KDR: variants seen among roughly 807,000 people sequenced by gnomAD.
The protein encoded by KDR is vascular endothelial growth factor receptor 2.
KDR carries 43 observed loss-of-function variants against 160.9 expected under a neutral mutation model. The observed-to-expected ratio is 0.27, with a 90% CI of 0.21 to 0.34. The LOEUF (loss-of-function observed/expected upper bound fraction) is 0.34, where lower values mean the gene tolerates loss of function less well. Among genes scored for constraint, KDR ranks in the 10% least tolerant of loss-of-function variants. The pLI, the probability that KDR is intolerant of heterozygous loss-of-function variation, is 1.00. For missense variants in KDR, 1,469 were observed against 1,666.4 expected, an observed-to-expected ratio of 0.88 and a Z score of 2.06; for synonymous variants, 617 against 600.1, an observed-to-expected ratio of 1.03 and a Z score of -0.41.
intron 29 of KDR, among the ~76,000 whole-genome samples, 157 bp downstream of exon 29, chr4:55,081,799 T>A (rs1414290935): frequency 6.6e-6 from 1 of 152,258 alleles, no homozygotes; most frequent in Non-Finnish European, 1.5e-5. Context: ...TTAATTTTAT[T>A]GTGTGGTTAG....
In KDR at chr4:55,098,224, G is replaced by A; in HGVS notation, c.2422C>T (p.Pro808Ser). ...TGTTCATCCAATGGGAGTTCATCTG[G>A]ATCCATGACGATGGACAAGTAGCCT... ...KTGYLSIVMD[P>S]DELPLDEHCE... The change falls in exon 17 of 30, where the codon CCA becomes TCA. Residue 808 changes from proline (P) to serine (S), a missense_variant. Pro to Ser is a moderately conservative substitution (Grantham distance 74). Transcript: ENST00000263923. The A allele has an allele frequency of 1.9e-6, 3 of 1,613,816 alleles. No homozygotes were observed. Among genetic ancestry groups the A allele is most frequent in the Middle Eastern group, 1.7e-4 (1 of 6,058 alleles).
intron 7 of KDR, among the ~76,000 whole-genome samples, chr4:55,111,845 C>T (rs1014658447): frequency 6.6e-6 from 1 of 152,200 alleles, no homozygotes; most frequent in African/African-American, 2.4e-5. Flanking sequence ...AACTTGAGTT[C>T]CAATCTCAGC....
At chr4:55,114,843 T>C (rs1446925442) in intron 5 of KDR, 31 bp downstream of exon 5, 25 of 1,545,224 alleles carry the variant, frequency 1.6e-5, no homozygotes, top group Non-Finnish European at 2.1e-5. Flanking sequence ...GGATATGTTA[T>C]TAATGATATG....
At chr4:55,121,609 C>T (rs904637938) in intron 1 of KDR, among the ~76,000 whole-genome samples, 15 of 152,330 alleles carry the variant, frequency 9.8e-5, no homozygotes, top group Middle Eastern at 3.4e-3. Context: ...CCCACTTAGA[C>T]GGATTTTTAT....
intron 18 of KDR, among the ~76,000 whole-genome samples, chr4:55,097,009 C>T (rs912126651): frequency 6.6e-6 from 1 of 152,142 alleles, no homozygotes; most frequent in Non-Finnish European, 1.5e-5. Flanking sequence ...TGCACAAAAC[C>T]TATTGGCAAA....
In KDR at chr4:55,087,488, G is replaced by A. The variant is rs1033031430; in HGVS notation, c.3662+119C>T. 13 of 879,310 alleles carry A rather than the reference G, an allele frequency of 1.5e-5. No individual in the cohort carries two copies. The African/African-American group carries it at 1.8e-4, about 12-fold the overall frequency. 54.5% of individuals were successfully genotyped at this position (879,310 alleles called of 1,614,324 possible). On this transcript the variant is annotated intron_variant, in intron 27 of 29. Transcript: ENST00000263923. ...CCCATTATGTTAACCTCAGGGCTAAGGTTATGTGGAAGTGGGATGCAACAG... is the reference window on the plus strand; with the variant it reads ...CCCATTATGTTAACCTCAGGGCTAAAGTTATGTGGAAGTGGGATGCAACAG...
At chr4:55,092,903 C>A (rs1490688596) in intron 21 of KDR, among the ~76,000 whole-genome samples, 189 bp from the exon 22 acceptor site, 2 of 152,166 alleles carry the variant, frequency 1.3e-5, no homozygotes, top group Admixed American at 1.3e-4. Flanking sequence ...ATCATACCCC[C>A]TTAGGAACAA....
chr4:55,110,152 C>T (rs112855603), intron 9 of KDR, among the ~76,000 whole-genome samples: 1 of 152,128 alleles, frequency 6.6e-6, no homozygotes, highest in African/African-American at 2.4e-5. Context: ...ATTTAGCTAT[C>T]GAGGGTATCA....
intron 10 of KDR, among the ~76,000 whole-genome samples, chr4:55,107,383 A>AT (rs1720471393): frequency 6.6e-6 from 1 of 152,152 alleles, no homozygotes; most frequent in Non-Finnish European, 1.5e-5. Flanking sequence ...CCTCTGAGAG[A>AT]TGGATCTTCA....
intron 16 of KDR, 67 bp downstream of exon 16, chr4:55,098,630 A>G: frequency 8.4e-7 from 1 of 1,188,776 alleles, no homozygotes; most frequent in Non-Finnish European, 1.3e-6. Flanking sequence ...AACTCAAAGA[A>G]CCCCAGTCAG....
intron 15 of KDR, among the ~76,000 whole-genome samples, chr4:55,101,000 G>A (rs745554587): frequency 1.3e-5 from 2 of 152,018 alleles, no homozygotes; most frequent in Non-Finnish European, 2.9e-5. Flanking sequence ...CATCACTTCT[G>A]CATACACACG....
Position 55,098,181 on chromosome 4 carries a change from T to C in KDR, c.2465A>G (p.Tyr822Cys), listed in dbSNP as rs1720209207. 1.2e-6 allele frequency: 2 copies of C among 1,613,986 alleles called. No homozygotes were observed. Residue 822 changes from tyrosine (Y) to cysteine (C), a missense_variant, in exon 17 of 30, where the codon TAT becomes TGT. By Grantham distance (194) the Tyr-to-Cys change is radical. Coordinates refer to ENST00000263923, the MANE Select transcript of KDR (RefSeq NM_002253.4). Reference protein sequence around the residue: ...PLDEHCERLPYDASKWEFPRD... With the variant: ...PLDEHCERLPCDASKWEFPRD... ...GGGGAATTCCCATTTGCTGGCATCATAAGGCAGTCGTTCACAATGTTCATC... is the reference window on the plus strand; with the variant it reads ...GGGGAATTCCCATTTGCTGGCATCACAAGGCAGTCGTTCACAATGTTCATC...
At chr4:55,101,257 C>G (rs1454576932) in intron 15 of KDR, among the ~76,000 whole-genome samples, 1 of 152,082 alleles carries the variant, frequency 6.6e-6, no homozygotes, top group African/African-American at 2.4e-5. Flanking sequence ...TTCATCCTGC[C>G]TGATTAAGAA....
Position 55,082,537 on chromosome 4 carries a change from T to A in KDR, c.3761A>T (p.Asp1254Val), listed in dbSNP as rs1719761255. 5 of 1,590,596 alleles carry A rather than the reference T, an allele frequency of 3.1e-6. No homozygotes were observed. The highest frequency in any genetic ancestry group is 4.3e-6 in the Non-Finnish European group (5 of 1,158,852). Residue 1254 changes from aspartate to valine, a missense_variant and splice_region_variant, in exon 28 of 30, where the codon GAT (aspartate) becomes GTT (valine). Asp to Val is a radical substitution (Grantham distance 152, BLOSUM62 -3). Transcript: ENST00000263923. ...ACTATTTTTAAAAGACGTACTTACA[T>A]CTGGGATTACTTTTACTTCTGGTTC... ...LEEPEVKVIP[D>V]DNQTDSGMVL... is the part of the protein sequence containing the mutation.
In KDR at chr4:55,095,583, G is replaced by A. The variant is rs2110015959; in HGVS notation, c.2811C>T (p.Pro937=). ...YLRSKRNEFV[P]YKTKGARFRQ... ...GGATTAGGAGATGACATACCTTGTA[G>A]GGGACAAATTCATTTCTCTTGCTCC... Residue 937 remains proline (P), a synonymous_variant, in exon 20 of 30, where the codon CCC becomes CCT. Coordinates refer to ENST00000263923, the MANE Select transcript of KDR (RefSeq NM_002253.4). 3 of 1,608,020 alleles carry A rather than the reference G, an allele frequency of 1.9e-6. No individual in the cohort carries two copies. The highest frequency in any genetic ancestry group is 1.7e-6 in the Non-Finnish European group (2 of 1,174,592).
chr4:55,099,694 TCTC>T (rs1191722399), intron 15 of KDR, among the ~76,000 whole-genome samples: 7 of 152,120 alleles, frequency 4.6e-5, no homozygotes, highest in African/African-American at 1.7e-4. Context: ...TTCCACTTAA[TCTC>T]CTCAACAACT....
chr4:55,088,347 G>GAA, intron 26 of KDR, among the ~76,000 whole-genome samples: 1 of 152,282 alleles, frequency 6.6e-6, no homozygotes, highest in Middle Eastern at 3.4e-3. Context: ...CTGTTCAAAA[G>GAA]AAAAGAAAGA....
chr4:55,101,449 A>G (rs1367964689), intron 15 of KDR, among the ~76,000 whole-genome samples: 1 of 152,232 alleles, frequency 6.6e-6, no homozygotes, highest in Non-Finnish European at 1.5e-5. Context: ...TAAGATACAA[A>G]CTAATCTTCA....
At chr4:55,081,369 T>C (rs1055805399) in intron 29 of KDR, among the ~76,000 whole-genome samples, 7 of 152,168 alleles carry the variant, frequency 4.6e-5, no homozygotes, top group Non-Finnish European at 4.4e-5. Flanking sequence ...CTTATAAATA[T>C]AGATTTTCAT....
Sources: allele counts gnomAD v4.1 joint callset (sites outside exome capture counted in the v4.1 genomes callset), GRCh38; gene constraint gnomAD v4.1.1; transcripts MANE v1.5; gene names NCBI Gene and HGNC (gene_info 2026-07-23, HGNC 2026-07-21).